PACC1: variants seen among roughly 807,000 people sequenced by gnomAD.
The protein encoded by PACC1 is proton activated chloride channel 1.
A neutral mutation model predicts 39.7 loss-of-function variants in PACC1; 34 were observed. The observed-to-expected ratio is 0.86, with a 90% confidence interval of 0.65 to 1.14. The LOEUF (loss-of-function observed/expected upper bound fraction) is 1.14, where lower values mean the gene tolerates loss of function less well. Ranked by LOEUF, PACC1 falls within the 50% of genes most tolerant of loss-of-function variation. The pLI, the probability that PACC1 is intolerant of heterozygous loss-of-function variation, is 0.00. For synonymous variants in PACC1, 127 were observed against 160.6 expected (o/e 0.79, Z 1.58); for missense variants, 379 against 436.4 (o/e 0.87, Z 1.17).
intron 2 of PACC1, among the ~76,000 whole-genome samples, chr1:212,399,046 G>C (rs1376990996): frequency 6.6e-6 from 1 of 152,190 alleles, no homozygotes; most frequent in Non-Finnish European, 1.5e-5. Context: ...GTCCAAATGG[G>C]ACCATGGGTA....
At chr1:212,383,788 G>C (rs1660993334) in intron 4 of PACC1, among the ~76,000 whole-genome samples, 1 of 152,162 alleles carries the variant, frequency 6.6e-6, no homozygotes, top group Non-Finnish European at 1.5e-5. Flanking sequence ...TTTACTCTGG[G>C]AAGAGTCCTT....
At chr1:212,405,061 C>T (rs1458961194) in intron 2 of PACC1, among the ~76,000 whole-genome samples, 1 of 152,150 alleles carries the variant, frequency 6.6e-6, no homozygotes, top group African/African-American at 2.4e-5. Context: ...ACAGTGTGAG[C>T]CCCTTCAGGT....
chr1:212,385,786 G>A (rs1661080119), intron 3 of PACC1, among the ~76,000 whole-genome samples: 1 of 152,094 alleles, frequency 6.6e-6, no homozygotes, highest in Admixed American at 6.5e-5. Context: ...AGAATCACTG[G>A]GAGGCTCTAA....
intron 7 of PACC1, among the ~76,000 whole-genome samples, chr1:212,374,667 T>C (rs1252927956): frequency 2.0e-5 from 3 of 152,232 alleles, no homozygotes; most frequent in East Asian, 3.8e-4. Flanking sequence ...CACATAAATA[T>C]GTATATTATG....
intron 6 of PACC1, among the ~76,000 whole-genome samples, chr1:212,375,885 CA>C (rs1660647373): frequency 6.6e-6 from 1 of 150,896 alleles, no homozygotes; most frequent in African/African-American, 2.4e-5. Flanking sequence ...ACTCTGTCTC[CA>C]AAAAAAATAA....
At chr1:212,369,448 T>C (rs1274359008) in intron 7 of PACC1, among the ~76,000 whole-genome samples, 1 of 152,188 alleles carries the variant, frequency 6.6e-6, no homozygotes, top group African/African-American at 2.4e-5. Context: ...TATGCTGCCA[T>C]ACAGCGTATA....
chr1:212,412,049 G>A (rs558961828), intron 1 of PACC1, among the ~76,000 whole-genome samples: 5 of 152,182 alleles, frequency 3.3e-5, no homozygotes, highest in African/African-American at 1.2e-4. Flanking sequence ...GTTGAAGCAG[G>A]AGAATCTCTT....
At position 212,386,813 on chromosome 1, in the gene PACC1, A is replaced by G; in HGVS notation, c.343+78T>C. On this transcript the variant is annotated intron_variant, in intron 3 of 7. Transcript: ENST00000261455. The surrounding 1 kb of genome is among the most constrained non-coding windows in gnomAD (Gnocchi z 5.0). ...GCCCTGCCCGTAGTACCACAAATAC[A>G]ACGGCAGCTCAGGGAGTATCTGCCA... 2.1e-6 allele frequency: 3 copies of G among 1,419,412 alleles called. No homozygotes were observed. The highest frequency in any genetic ancestry group is 4.6e-5 in the East Asian group (2 of 43,844). The allele number at this position is 1,419,412 out of a possible 1,614,324, so 87.9% of individuals were successfully genotyped here. A position where few individuals can be genotyped will look rare whatever the true frequency, so the allele number is the denominator to read the frequency against.
At position 212,364,133 on chromosome 1, in the gene PACC1, A is replaced by G. The variant is rs1660150408; in HGVS notation, c.*1082T>C. The G allele has an allele frequency of 6.6e-6, 1 of 152,226 alleles. No homozygotes were observed. The highest frequency in any genetic ancestry group is 1.5e-5 in the Non-Finnish European group (1 of 68,044). 9.4% of individuals were successfully genotyped at this position (152,226 alleles called of 1,614,324 possible). A position where few individuals can be genotyped will look rare whatever the true frequency, so the allele number is the denominator to read the frequency against. On this transcript the variant is annotated 3_prime_UTR_variant, in exon 8 of 8. Coordinates refer to ENST00000261455, the MANE Select transcript of PACC1 (RefSeq NM_018252.3). ...AACAATTTTTAGAACCTTAATGTGAAAAATAGACTTTTTTTTAATGCATAC... is the reference window on the plus strand; with the variant it reads ...AACAATTTTTAGAACCTTAATGTGAGAAATAGACTTTTTTTTAATGCATAC...
intron 2 of PACC1, among the ~76,000 whole-genome samples, chr1:212,397,272 A>T (rs1250605933): frequency 6.6e-6 from 1 of 152,204 alleles, no homozygotes; most frequent in African/African-American, 2.4e-5. Context: ...ACAAACAAAA[A>T]AACCCAGCAA....
In PACC1 at chr1:212,414,079, G is replaced by A. The variant is rs755224448; in HGVS notation, c.36+643C>T. 102 of 1,532,808 alleles carry A rather than the reference G, an allele frequency of 6.7e-5. No homozygotes were observed. In the Middle Eastern group the frequency reaches 6.9e-4, roughly 10 times the overall value. 95.0% of individuals were successfully genotyped at this position (1,532,808 alleles called of 1,614,324 possible). On this transcript the variant is annotated intron_variant, in intron 1 of 7. Transcript: ENST00000261455. ...GCTTGAAGGAAGCGCTGGACGCACAGCCTGCAGCGCAGGACAGAGAAGAGA... is the reference window on the plus strand; with the variant it reads ...GCTTGAAGGAAGCGCTGGACGCACAACCTGCAGCGCAGGACAGAGAAGAGA...
intron 4 of PACC1, among the ~76,000 whole-genome samples, chr1:212,384,015 TGCTGATTCCAA>T (rs1224502402): frequency 6.6e-6 from 1 of 152,158 alleles, no homozygotes; most frequent in Admixed American, 6.5e-5. Context: ...TCTCTAACGG[TGCTGATTCCAA>T]GCTGGGGGTT....
chr1:212,365,375 A>G lies in PACC1; in HGVS notation c.893T>C (p.Ile298Thr). Residue 298 changes from isoleucine to threonine, a missense_variant and splice_region_variant, in exon 8 of 8, where the codon ATA (isoleucine) becomes ACA (threonine). Ile to Thr is a moderately conservative substitution (Grantham distance 89). Coordinates refer to ENST00000261455, the MANE Select transcript of PACC1 (RefSeq NM_018252.3). ...TGTGTTCCAAGGATTGGCAGTGACT[A>G]TCTGTGAAGCAAACAGAAACAAACA... ...KDPFIQKVQD[I>T]VTANPWNTIA... 6.2e-7 allele frequency: 1 copy of G among 1,602,684 alleles called. No homozygotes were observed. Among genetic ancestry groups the G allele is most frequent in the Non-Finnish European group, 8.5e-7 (1 of 1,175,638 alleles).
chr1:212,389,772 T>C (rs1086893), intron 2 of PACC1, among the ~76,000 whole-genome samples: 39,328 of 151,890 alleles, frequency 0.26, 5,514 homozygotes, highest in Non-Finnish European at 0.33. Context: ...TGGATGGTGG[T>C]GATGGTTGCA....
chr1:212,376,806 T>TC (rs1460805160), intron 6 of PACC1: 1 of 152,190 alleles, frequency 6.6e-6, no homozygotes, highest in East Asian at 1.9e-4. Context: ...AAGACAGTCT[T>TC]CTCCGGCCTA....
intron 2 of PACC1, among the ~76,000 whole-genome samples, chr1:212,397,559 C>T (rs972824571): frequency 6.6e-6 from 1 of 152,182 alleles, no homozygotes; most frequent in Non-Finnish European, 1.5e-5. Context: ...GGAAATAATT[C>T]ATTCTTTACT....
chr1:212,385,127 A>AT, intron 4 of PACC1, 147 bp downstream of exon 4: 1 of 887,046 alleles, frequency 1.1e-6, no homozygotes, highest in Non-Finnish European at 1.7e-6. Flanking sequence ...AAGTGTCCAC[A>AT]TGGCACAGCC....
At chr1:212,392,377 A>G (rs1474790378) in intron 2 of PACC1, among the ~76,000 whole-genome samples, 5 of 152,220 alleles carry the variant, frequency 3.3e-5, no homozygotes, top group Non-Finnish European at 1.5e-5. Flanking sequence ...AATACTTTAC[A>G]GACAAGCAAA....
At chr1:212,410,154 C>A (rs952694530) in intron 2 of PACC1, 26 of 390,246 alleles carry the variant, frequency 6.7e-5, no homozygotes, top group African/African-American at 4.6e-4. Context: ...GAAAGAGGAA[C>A]AGAAGAGCAG....
Sources: allele counts gnomAD v4.1 joint callset (sites outside exome capture counted in the v4.1 genomes callset), GRCh38; gene constraint gnomAD v4.1.1; non-coding constraint Gnocchi (gnomAD v3.1); transcripts MANE v1.5; gene names NCBI Gene and HGNC (gene_info 2026-07-23, HGNC 2026-07-21).